MACROD2: variants seen among roughly 807,000 people sequenced by gnomAD.
The protein encoded by MACROD2 is mono-ADP ribosylhydrolase 2.
Under a neutral mutation model 70.4 loss-of-function variants are expected in MACROD2, and 36 were observed. The ratio of observed to expected loss-of-function variants is 0.51; its 90% confidence interval spans 0.39 to 0.68. MACROD2 has a LOEUF of 0.68. Ranked by LOEUF, MACROD2 falls within the 30% of genes least tolerant of loss-of-function variation. The probability of loss-of-function intolerance (pLI) is 0.00; values close to 1 mark genes in which losing one functional copy is unlikely to be tolerated. For missense variants in MACROD2, 496 were observed against 538.4 expected (o/e 0.92, Z 0.78); for synonymous variants, 172 against 178.8 (o/e 0.96, Z 0.30).
intron 8 of MACROD2, among the ~76,000 whole-genome samples, chr20:15,613,450 A>G (rs943835813): frequency 6.6e-6 from 1 of 152,204 alleles, no homozygotes; most frequent in Admixed American, 6.5e-5. Context: ...TAATGCTTAG[A>G]CATCAAACCT....
intron 8 of MACROD2, among the ~76,000 whole-genome samples, chr20:15,513,713 A>C (rs193145985): frequency 6.6e-6 from 1 of 152,220 alleles, no homozygotes; most frequent in Non-Finnish European, 1.5e-5. Flanking sequence ...ATCTTGCTTC[A>C]TTACCAATAA....
At chr20:15,417,598 CAAA>C (rs71340225) in intron 6 of MACROD2, among the ~76,000 whole-genome samples, 6 of 69,330 alleles carry the variant, frequency 8.7e-5, no homozygotes, top group Admixed American at 1.8e-4. Flanking sequence ...AACCCTGTCT[CAAA>C]AAAAAAAAAA....
intron 5 of MACROD2, among the ~76,000 whole-genome samples, chr20:14,960,224 T>C (rs577231348): frequency 1.9e-4 from 29 of 152,316 alleles, no homozygotes; most frequent in African/African-American, 6.7e-4. Flanking sequence ...AACTTTCTTC[T>C]TCCCTCCTCA....
chr20:14,424,596 G>C (rs977206470), intron 3 of MACROD2, among the ~76,000 whole-genome samples: 6 of 152,164 alleles, frequency 3.9e-5, no homozygotes, highest in Non-Finnish European at 7.4e-5. Flanking sequence ...ATGACAATTT[G>C]TGTACTGGAC....
chr20:16,009,585 T>G (rs1460929062), intron 15 of MACROD2, among the ~76,000 whole-genome samples: 1 of 152,026 alleles, frequency 6.6e-6, no homozygotes, highest in Non-Finnish European at 1.5e-5. Context: ...GTTGAAACCC[T>G]GTCTCTACTA....
intron 6 of MACROD2, among the ~76,000 whole-genome samples, chr20:15,234,866 A>G (rs564363608): frequency 3.9e-5 from 6 of 152,276 alleles, no homozygotes; most frequent in African/African-American, 1.4e-4. Context: ...GGATACATAG[A>G]TATTTTCTTA....
intron 5 of MACROD2, among the ~76,000 whole-genome samples, chr20:14,927,733 C>T (rs1189160719): frequency 3.9e-5 from 6 of 152,186 alleles, no homozygotes; most frequent in Non-Finnish European, 8.8e-5. Context: ...TTAGTATCTG[C>T]TCCTGATGGA....
intron 15 of MACROD2, among the ~76,000 whole-genome samples, chr20:16,020,853 A>G (rs1323834996): frequency 3.3e-5 from 5 of 152,104 alleles, no homozygotes; most frequent in Non-Finnish European, 5.9e-5. Context: ...TCTTTTTCAC[A>G]GACAAAAATC....
At chr20:15,978,600 CTCTCT>C (rs2066347616) in intron 13 of MACROD2, among the ~76,000 whole-genome samples, 1 of 150,848 alleles carries the variant, frequency 6.6e-6, no homozygotes, top group Non-Finnish European at 1.5e-5. Context: ...CTCTCTCTCT[CTCTCT>C]CTCTCTCTCT....
intron 3 of MACROD2, among the ~76,000 whole-genome samples, chr20:14,113,153 G>A (rs1358490949): frequency 1.3e-5 from 2 of 152,038 alleles, no homozygotes; most frequent in African/African-American, 4.8e-5. Context: ...AGTTATAGAA[G>A]CACCCCATGT....
intron 6 of MACROD2, among the ~76,000 whole-genome samples, chr20:15,259,378 G>A (rs1181029632): frequency 1.3e-5 from 2 of 151,908 alleles, no homozygotes; most frequent in Non-Finnish European, 2.9e-5. Context: ...TAGAAGGAAG[G>A]CAAAAACAGG....
intron 7 of MACROD2, among the ~76,000 whole-genome samples, chr20:15,436,538 A>G (rs969052807): frequency 6.6e-5 from 10 of 150,542 alleles, no homozygotes; most frequent in Admixed American, 2.0e-4. Flanking sequence ...GCCAAACCAT[A>G]CCATTTATGG....
intron 3 of MACROD2, among the ~76,000 whole-genome samples, chr20:14,482,816 T>A (rs2084677894): frequency 1.3e-5 from 2 of 152,202 alleles, no homozygotes; most frequent in African/African-American, 4.8e-5. Flanking sequence ...TTACTCTGAC[T>A]TTTTTGTGGG....
At position 14,272,564 on chromosome 20, in the gene MACROD2, G is replaced by C. The variant is rs532523260; in HGVS notation, c.271+186836G>C. On this transcript the variant is annotated intron_variant, in intron 3 of 17. Coordinates refer to ENST00000684519, the MANE Select transcript of MACROD2 (RefSeq NM_001351661.2). ...CATGCCAAATTGTAAAGACCATCGA[G>C]ACTAGGAAGAAACTGCATCAACTAA... Among the ~76,000 whole-genome samples, 25 of 152,090 alleles carry C rather than the reference G, an allele frequency of 1.6e-4. No individual in the cohort carries two copies. In the South Asian group the frequency reaches 3.3e-3, roughly 20 times the overall value.
intron 3 of MACROD2, among the ~76,000 whole-genome samples, chr20:14,113,819 C>T (rs2054482557): frequency 6.6e-6 from 1 of 152,054 alleles, no homozygotes; most frequent in African/African-American, 2.4e-5. Context: ...TTATGATTCC[C>T]TTTGTGTTTA....
chr20:15,703,990 A>T (rs1568984199), intron 8 of MACROD2, among the ~76,000 whole-genome samples: 1 of 152,220 alleles, frequency 6.6e-6, no homozygotes, highest in East Asian at 1.9e-4. Flanking sequence ...GACACAGATC[A>T]GTCTTAATTA....
At chr20:15,398,790 CTTGT>C (rs956703192) in intron 6 of MACROD2, among the ~76,000 whole-genome samples, 21 of 152,186 alleles carry the variant, frequency 1.4e-4, no homozygotes, top group East Asian at 7.7e-4. Flanking sequence ...TCTTTGCTTT[CTTGT>C]TTGTTTGTTT....
intron 8 of MACROD2, among the ~76,000 whole-genome samples, chr20:15,605,025 T>A (rs1022277380): frequency 4.0e-5 from 6 of 149,302 alleles, no homozygotes; most frequent in African/African-American, 7.6e-5. Flanking sequence ...AGGCATTTTT[T>A]AAAAATTCCC....
At chr20:15,407,565 G>C (rs568495550) in intron 6 of MACROD2, among the ~76,000 whole-genome samples, 15 of 152,310 alleles carry the variant, frequency 9.8e-5, no homozygotes, top group African/African-American at 3.1e-4. Context: ...GAGGTGGGTA[G>C]AGAGGCAGCC....
Sources: allele counts gnomAD v4.1 joint callset (sites outside exome capture counted in the v4.1 genomes callset), GRCh38; gene constraint gnomAD v4.1.1; transcripts MANE v1.5; gene names NCBI Gene and HGNC (gene_info 2026-07-23, HGNC 2026-07-21).